Variants in ASPSCR1 observed in about 807,000 individuals in gnomAD.
ASPSCR1 encodes ASPSCR1 tether for SLC2A4, UBX domain containing, also known as tether containing UBX domain for GLUT4.
In ASPSCR1, 55 loss-of-function variants were observed where a neutral mutation model predicts 68.9. The ratio of observed to expected loss-of-function variants is 0.80; its 90% CI spans 0.64 to 1.00. ASPSCR1 has a LOEUF of 1.00. ASPSCR1 is among the 50% of genes least tolerant of loss of function. The pLI is 0.00. For missense variants in ASPSCR1, 765 were observed against 762.2 expected (o/e 1.00, Z -0.04); for synonymous variants, 352 against 332.6 (o/e 1.06, Z -0.63).
chr17:82,016,427 G>A (rs1341480978), intron 12 of ASPSCR1, 49 bp from the exon 13 acceptor site: 4 of 1,508,480 alleles, frequency 2.7e-6, no homozygotes, highest in South Asian at 1.2e-5. Context: ...TCACAGCAGG[G>A]GGGTGCTCTG....
intron 13 of ASPSCR1, 93 bp downstream of exon 13, chr17:82,016,620 C>T: frequency 6.6e-7 from 1 of 1,512,862 alleles, no homozygotes; most frequent in East Asian, 2.5e-5. Context: ...CGGTCTGGGG[C>T]CTCCTTTGGG....
In ASPSCR1 at chr17:81,987,371, A is replaced by G. The variant is rs2042029515; in HGVS notation, c.374+1764A>G. Among the ~76,000 whole-genome samples the G allele has an allele frequency of 6.6e-6, 1 of 152,192 alleles. No homozygotes were observed. The highest frequency in any genetic ancestry group is 1.5e-5 in the Non-Finnish European group (1 of 68,018). On this transcript the variant is annotated intron_variant, in intron 4 of 15. Coordinates refer to ENST00000306739, the MANE Select transcript of ASPSCR1 (RefSeq NM_024083.4). This position sits in a 1 kb window ranked among gnomAD's most constrained non-coding sequence, Gnocchi z 5.6. ...TCCTGAGACGAGAGTGGCAGAGGGC[A>G]AGAAGAAAACCAAACAGCGCGGGGA...
At position 81,996,349 on chromosome 17, in the gene ASPSCR1, C is replaced by T. The variant is rs545638018; in HGVS notation, c.507-71C>T. ...TGAGCCGGGGGCGGGAGAGGGTGAG[C>T]CTGGGCCGGGAGAGGGTGAGCCGGG... On this transcript the variant is annotated intron_variant, in intron 6 of 15. Transcript: ENST00000306739. 108 of 1,522,172 alleles carry T rather than the reference C, an allele frequency of 7.1e-5. No homozygotes were observed. In the African/African-American group the frequency reaches 1.2e-3, roughly 17 times the overall value. The allele number at this position is 1,522,172 out of a possible 1,614,324, so 94.3% of individuals were successfully genotyped here. A position where few individuals can be genotyped will look rare whatever the true frequency, so the allele number is the denominator to read the frequency against.
chr17:82,006,234 TTGCGGGTGC>T (rs2042715154), intron 7 of ASPSCR1: 1 of 146,042 alleles, frequency 6.8e-6, no homozygotes, highest in Non-Finnish European at 1.5e-5. Context: ...GTGTGTGTCC[TTGCGGGTGC>T]ATGTGCATGC....
At position 81,996,446 on chromosome 17, in the gene ASPSCR1, T is replaced by C; in HGVS notation, c.533T>C (p.Val178Ala). Residue 178 changes from valine (V) to alanine (A), a missense_variant, in exon 7 of 16, where the codon GTG becomes GCG. Val to Ala is a moderately conservative substitution (Grantham distance 64, BLOSUM62 0). Coordinates refer to ENST00000306739, the MANE Select transcript of ASPSCR1 (RefSeq NM_024083.4). Reference sequence around the variant, plus strand: ...TTTGTCATGAAGTGCTACGACCCCGTGGGCAAGACCCCAGGAAGCCTGGGC... The same window carrying C: ...TTTGTCATGAAGTGCTACGACCCCGCGGGCAAGACCCCAGGAAGCCTGGGC... ...IRFVMKCYDPVGKTPGSLGSS... is the reference protein window; with the variant it reads ...IRFVMKCYDPAGKTPGSLGSS... 1 of 1,601,484 alleles carries C rather than the reference T, an allele frequency of 6.2e-7. No homozygotes were observed.
chr17:82,009,914 CCT>C lies in ASPSCR1; in HGVS notation c.1170+348_1170+349del, dbSNP rs1491457475. Reference sequence around the variant, plus strand: ...CCCCTGCTCATGATTTAGAATGAAACCTTTTTTTTTTTTTGAGACGGAGTCTC... The same window carrying C: ...CCCCTGCTCATGATTTAGAATGAAACTTTTTTTTTTTTGAGACGGAGTCTC... On this transcript the variant is annotated intron_variant, in intron 9 of 15. Transcript: ENST00000306739. 9.3e-5 allele frequency: 21 copies of C among 227,006 alleles called. 1 individual carries two copies. The highest frequency in any genetic ancestry group is 5.6e-4 in the African/African-American group (21 of 37,668). 14.1% of individuals were successfully genotyped at this position (227,006 alleles called of 1,614,324 possible).
chr17:82,003,243 T>G (rs1253526671), intron 7 of ASPSCR1, among the ~76,000 whole-genome samples: 4 of 152,184 alleles, frequency 2.6e-5, no homozygotes, highest in Non-Finnish European at 4.4e-5. Flanking sequence ...CCTAGGGGTT[T>G]TAGACCAGCC....
chr17:81,993,116 G>A (rs907100534), intron 4 of ASPSCR1, among the ~76,000 whole-genome samples: 2 of 152,144 alleles, frequency 1.3e-5, no homozygotes, highest in Non-Finnish European at 2.9e-5. Flanking sequence ...GTCCCCAGGT[G>A]TCGGGGCTGG....
intron 9 of ASPSCR1, among the ~76,000 whole-genome samples, chr17:82,010,486 G>C (rs1198828315): frequency 1.4e-5 from 2 of 143,916 alleles, no homozygotes; most frequent in Non-Finnish European, 3.0e-5. Flanking sequence ...CCGAGATCAT[G>C]CCACTGCACT....
At chr17:81,992,961 G>C (rs931597231) in intron 4 of ASPSCR1, among the ~76,000 whole-genome samples, 1 of 152,200 alleles carries the variant, frequency 6.6e-6, no homozygotes, top group Non-Finnish European at 1.5e-5. Flanking sequence ...CTAAGTCCAC[G>C]ACCCTGTGGG....
chr17:81,983,762 A>T lies in ASPSCR1; in HGVS notation c.273+94A>T, dbSNP rs992877522. On this transcript the variant is annotated intron_variant, in intron 3 of 15. Transcript: ENST00000306739. The surrounding 1 kb of genome is among the most constrained non-coding windows in gnomAD (Gnocchi z 4.4). ...ACGGGACAGTGGGGGGTGCTGGGGA[A>T]GGAGGGACATGAGTCTTAGCACCAG... The T allele has an allele frequency of 4.6e-6, 5 of 1,090,626 alleles. No homozygotes were observed. In the African/African-American group the frequency reaches 6.2e-5, roughly 14 times the overall value. The allele number at this position is 1,090,626 out of a possible 1,614,324, so 67.6% of individuals were successfully genotyped here. A position where few individuals can be genotyped will look rare whatever the true frequency, so the allele number is the denominator to read the frequency against.
intron 12 of ASPSCR1, chr17:82,015,747 T>C (rs2144106554): frequency 3.9e-6 from 1 of 253,868 alleles, no homozygotes; most frequent in Non-Finnish European, 7.7e-6. Flanking sequence ...GCTGAGACCA[T>C]GGCAGCTCCT....
At chr17:82,014,952 CA>C (rs2043071781) in intron 12 of ASPSCR1, 1 of 1,192,442 alleles carries the variant, frequency 8.4e-7, no homozygotes, top group East Asian at 2.6e-5. Context: ...CAGGCAGGGG[CA>C]GCCTGAGACA....
chr17:81,981,359 G>A (rs2041789734), intron 2 of ASPSCR1, among the ~76,000 whole-genome samples: 1 of 151,994 alleles, frequency 6.6e-6, no homozygotes, highest in African/African-American at 2.4e-5. Flanking sequence ...GGGGGCTTAG[G>A]GTTTCATTTT....
Position 81,983,630 on chromosome 17 carries a change from G to A in ASPSCR1, c.235G>A (p.Val79Met), listed in dbSNP as rs751926686. Residue 79 changes from valine to methionine, a missense_variant, in exon 3 of 16, where the codon GTG becomes ATG. Val to Met is a conservative substitution (Grantham distance 21). Coordinates refer to ENST00000306739, the MANE Select transcript of ASPSCR1 (RefSeq NM_024083.4). The surrounding 1 kb of genome is among the most constrained non-coding windows in gnomAD (Gnocchi z 4.4). Reference protein sequence around the residue: ...NLPNNAKLEMVPASRSREGPE... With the variant: ...NLPNNAKLEMMPASRSREGPE... ...GCCCAACAATGCCAAGCTGGAGATG[G>A]TGCCCGCTTCCCGGAGCCGTGAGGG... is the stretch of plus-strand genomic sequence containing the variant. 3.7e-6 allele frequency: 6 copies of A among 1,613,364 alleles called. No homozygotes were observed. Among genetic ancestry groups the A allele is most frequent in the East Asian group, 2.2e-5 (1 of 44,842 alleles).
intron 12 of ASPSCR1, chr17:82,015,293 TC>T (rs1447940427): frequency 6.3e-7 from 1 of 1,597,964 alleles, no homozygotes; most frequent in Non-Finnish European, 8.5e-7. Flanking sequence ...CACCATCCCC[TC>T]GTCCGAGCAG....
chr17:81,991,100 A>G (rs537511742), intron 4 of ASPSCR1, among the ~76,000 whole-genome samples: 10 of 152,254 alleles, frequency 6.6e-5, no homozygotes, highest in Admixed American at 2.0e-4. Context: ...GGGAACTCAC[A>G]CAGCAGCTGA....
chr17:81,985,176 A>G (rs2041954308), intron 3 of ASPSCR1, among the ~76,000 whole-genome samples: 1 of 144,306 alleles, frequency 6.9e-6, no homozygotes, highest in Non-Finnish European at 1.5e-5. Flanking sequence ...GCACACACCC[A>G]CACACCAACA....
chr17:82,001,975 T>C (rs909669418), intron 7 of ASPSCR1, among the ~76,000 whole-genome samples: 2 of 151,654 alleles, frequency 1.3e-5, no homozygotes, highest in African/African-American at 2.4e-5. Context: ...CCTGTTCTTA[T>C]TTTTCTTTTC....
Sources: gnomAD v4.1 joint callset for allele counts (sites outside exome capture counted in the v4.1 genomes callset) on GRCh38, gnomAD v4.1.1 for gene constraint, Gnocchi (gnomAD v3.1) non-coding constraint, MANE v1.5 for transcripts, NCBI Gene and HGNC (gene_info 2026-07-23, HGNC 2026-07-21) for gene names.